Variants in SPOP observed in about 807,000 individuals in gnomAD.
SPOP encodes speckle type BTB/POZ protein.
SPOP carries 11 observed loss-of-function variants against 45.6 expected under a neutral mutation model. That is an observed-to-expected ratio of 0.24 (90% CI 0.15 to 0.40). The LOEUF is 0.40. Among genes scored for constraint, SPOP ranks in the 10% least tolerant of loss-of-function variants. SPOP has a pLI of 1.00. For synonymous variants in SPOP, 166 were observed against 166.3 expected (o/e 1.00, Z 0.01); for missense variants, 152 against 465.6 (o/e 0.33, Z 6.20).
intron 5 of SPOP, 55 bp from the exon 6 acceptor site, chr17:49,611,512 C>CT: frequency 6.7e-7 from 1 of 1,496,804 alleles, no homozygotes; most frequent in Non-Finnish European, 9.0e-7. Flanking sequence ...ATTTTTTTGC[C>CT]AGCAGATAGA....
chr17:49,667,450 G>A lies in SPOP; in HGVS notation c.-67+10483C>T, dbSNP rs539145211. The stretch of plus-strand genomic sequence containing the variant: ...ACTAAAATACGAAAATTAGCTGGGC[G>A]TGGTGGCATGCGCCTGTCATCTCAG... On this transcript the variant is annotated intron_variant, in intron 1 of 9. Transcript: ENST00000504102. Among the ~76,000 whole-genome samples the A allele has an allele frequency of 6.6e-5, 10 of 151,838 alleles. No homozygotes were observed. The South Asian group carries it at 8.3e-4, about 13-fold the overall frequency.
chr17:49,654,285 G>GTCTA (rs2072879085), intron 1 of SPOP, among the ~76,000 whole-genome samples: 1 of 152,156 alleles, frequency 6.6e-6, no homozygotes, highest in South Asian at 2.1e-4. Context: ...TAGTGACAGT[G>GTCTA]TCTATCTATG....
Position 49,599,581 on chromosome 17 carries a change from A to AT in SPOP, c.*796dup. The stretch of plus-strand genomic sequence containing the variant: ...AAATCAGAGAAAAATGCCCAAAAAC[A>AT]TTTTCCACAATATCTAAAAACAGAG... On this transcript the variant is annotated 3_prime_UTR_variant, in exon 10 of 10. Transcript: ENST00000504102. 4.6e-6 allele frequency: 1 copy of AT among 217,944 alleles called. No individual in the cohort carries two copies. 13.5% of individuals were successfully genotyped at this position (217,944 alleles called of 1,614,324 possible).
intron 6 of SPOP, among the ~76,000 whole-genome samples, chr17:49,610,719 C>T (rs2071954499): frequency 6.6e-6 from 1 of 152,114 alleles, no homozygotes; most frequent in Non-Finnish European, 1.5e-5. Flanking sequence ...TGATTGTTAC[C>T]CTTCCCTGGG....
rs1386333270 is a variant in SPOP, at chr17:49,599,081, G to C, written c.*1297C>G. On this transcript the variant is annotated 3_prime_UTR_variant, in exon 10 of 10. Transcript: ENST00000504102. ...GGATATGGACTGTGAGATACTCAGG[G>C]AGGACAAGAGACTGGCAGATGCTGA... The C allele has an allele frequency of 9.7e-6, 2 of 207,076 alleles. No homozygotes were observed. The highest frequency in any genetic ancestry group is 2.0e-5 in the Non-Finnish European group (2 of 101,182). The allele number at this position is 207,076 out of a possible 1,614,324, so 12.8% of individuals were successfully genotyped here. A position where few individuals can be genotyped will look rare whatever the true frequency, so the allele number is the denominator to read the frequency against.
At chr17:49,640,070 T>C (rs1331146341) in intron 1 of SPOP, among the ~76,000 whole-genome samples, 1 of 151,916 alleles carries the variant, frequency 6.6e-6, no homozygotes, top group East Asian at 1.9e-4. Context: ...GCCAACATGG[T>C]GAAACACCAT....
chr17:49,675,045 C>T (rs895526681), intron 1 of SPOP, among the ~76,000 whole-genome samples: 2 of 152,178 alleles, frequency 1.3e-5, no homozygotes, highest in African/African-American at 4.8e-5. Flanking sequence ...GGCAGACTCA[C>T]ACTGCTGGCA....
chr17:49,624,319 ACGCGCGCGCG>A (rs551185712), intron 1 of SPOP, among the ~76,000 whole-genome samples: 5 of 118,782 alleles, frequency 4.2e-5, no homozygotes, highest in African/African-American at 1.5e-4. Flanking sequence ...ACACACACAC[ACGCGCGCGCG>A]CGCACACACA....
At chr17:49,620,221 T>C (rs913136914) in intron 3 of SPOP, among the ~76,000 whole-genome samples, 3 of 149,828 alleles carry the variant, frequency 2.0e-5, no homozygotes, top group African/African-American at 7.4e-5. Context: ...CACGGTGGCT[T>C]ATGCCTGTAA....
At chr17:49,624,259 A>G (rs528904857) in intron 1 of SPOP, among the ~76,000 whole-genome samples, 1 of 151,988 alleles carries the variant, frequency 6.6e-6, no homozygotes, top group East Asian at 1.9e-4. Flanking sequence ...GTATTGTATA[A>G]TGGAAGTTTG....
intron 1 of SPOP, among the ~76,000 whole-genome samples, chr17:49,623,747 C>G (rs1370980416): frequency 1.3e-5 from 2 of 152,092 alleles, no homozygotes; most frequent in African/African-American, 4.8e-5. Context: ...TGTCATCACT[C>G]GATATTTCAG....
chr17:49,650,133 C>T (rs545965354), intron 1 of SPOP, among the ~76,000 whole-genome samples: 87 of 151,988 alleles, frequency 5.7e-4, no homozygotes, highest in Middle Eastern at 3.4e-3. Flanking sequence ...TCAGGTGATT[C>T]GCCCGCCTTG....
intron 6 of SPOP, among the ~76,000 whole-genome samples, chr17:49,609,207 C>G (rs1368407102): frequency 1.3e-5 from 2 of 152,032 alleles, no homozygotes; most frequent in South Asian, 4.1e-4. Context: ...CTGCACCCGG[C>G]CTAGCTCTGC....
intron 1 of SPOP, among the ~76,000 whole-genome samples, chr17:49,645,378 C>A (rs568714489): frequency 1.3e-5 from 2 of 152,054 alleles, no homozygotes; most frequent in East Asian, 1.9e-4. Context: ...CTGCTCACTG[C>A]AACCTCTGCC....
intron 1 of SPOP, among the ~76,000 whole-genome samples, chr17:49,667,007 C>T (rs1489854547): frequency 6.6e-6 from 1 of 150,654 alleles, no homozygotes; most frequent in Non-Finnish European, 1.5e-5. Flanking sequence ...GGTGAAACAC[C>T]ATCCTAGTAA....
At chr17:49,624,897 A>T (rs1202934773) in intron 1 of SPOP, among the ~76,000 whole-genome samples, 1 of 152,002 alleles carries the variant, frequency 6.6e-6, no homozygotes, top group Admixed American at 6.6e-5. Context: ...TAAAAAATTG[A>T]TATATAAATT....
intron 1 of SPOP, among the ~76,000 whole-genome samples, chr17:49,624,534 T>C (rs1343411489): frequency 6.6e-6 from 1 of 152,172 alleles, no homozygotes; most frequent in East Asian, 1.9e-4. Flanking sequence ...AGTGGCGCAA[T>C]CTTGGCTCAC....
chr17:49,671,776 C>T (rs911982919), intron 1 of SPOP, among the ~76,000 whole-genome samples: 1 of 152,096 alleles, frequency 6.6e-6, no homozygotes, highest in Admixed American at 6.6e-5. Context: ...GAAGCAGAGG[C>T]GGGAGGATCA....
rs145986817 is a variant in SPOP, at chr17:49,635,698, G to A, written c.-66-12822C>T. The stretch of plus-strand genomic sequence containing the variant: ...TGCCCAGGCTGGAGTACAGTGGTGC[G>A]ATTTCAGCTCACTGCAACTTCTGCC... On this transcript the variant is annotated intron_variant, in intron 1 of 9. Transcript: ENST00000504102. Among the ~76,000 whole-genome samples, 5 of 146,054 alleles carry A rather than the reference G, an allele frequency of 3.4e-5. No homozygotes were observed. The East Asian group carries it at 6.0e-4, about 17-fold the overall frequency.
Sources: gnomAD v4.1 joint callset for allele counts (sites outside exome capture counted in the v4.1 genomes callset) on GRCh38, gnomAD v4.1.1 for gene constraint, MANE v1.5 for transcripts, NCBI Gene and HGNC (gene_info 2026-07-23, HGNC 2026-07-21) for gene names.